The following GALNT14 variants were observed in gnomAD, a reference collection of about 807,000 sequenced individuals.
GALNT14 encodes UDP-GalNAc:polypeptide N-acetylgalactosaminyltransferase 14.
A neutral mutation model predicts 77.5 loss-of-function variants in GALNT14; 60 were observed. The ratio of observed to expected loss-of-function variants is 0.77; its 90% CI spans 0.63 to 0.96. GALNT14 has a LOEUF of 0.96. Among genes scored for constraint, GALNT14 ranks in the 40% least tolerant of loss-of-function variants. The pLI is 0.00. For missense variants in GALNT14, 710 were observed against 731.0 expected, an observed-to-expected ratio of 0.97 and a Z score of 0.33; for synonymous variants, 280 against 281.7, an observed-to-expected ratio of 0.99 and a Z score of 0.06.
rs747772932 is a variant in GALNT14, at chr2:31,137,938, C to T, written c.129+20G>A. ...CCCGCAAGCCACCGCTCAGCGCCAG[C>T]GCGCCGGCAAGCCGCCTACCTTAGG... is the stretch of plus-strand genomic sequence containing the variant. On this transcript the variant is annotated intron_variant, in intron 1 of 14. Coordinates refer to ENST00000349752, the MANE Select transcript of GALNT14 (RefSeq NM_024572.4). 1.9e-6 allele frequency: 3 copies of T among 1,600,346 alleles called. No homozygotes were observed. The highest frequency in any genetic ancestry group is 1.7e-5 in the Admixed American group (1 of 58,120).
intron 8 of GALNT14, among the ~76,000 whole-genome samples, chr2:30,944,549 C>A (rs1666570831): frequency 6.6e-6 from 1 of 152,174 alleles, no homozygotes; most frequent in East Asian, 1.9e-4. Context: ...TTTCCCCTCA[C>A]TAGAGGCCGA....
intron 2 of GALNT14, among the ~76,000 whole-genome samples, chr2:30,967,648 C>G (rs1668091960): frequency 6.6e-6 from 1 of 152,194 alleles, no homozygotes; most frequent in Non-Finnish European, 1.5e-5. Flanking sequence ...TGCCCCACCT[C>G]CTGAATTCAC....
At chr2:30,999,397 A>G (rs1343577244) in intron 1 of GALNT14, among the ~76,000 whole-genome samples, 1 of 152,168 alleles carries the variant, frequency 6.6e-6, no homozygotes, top group Non-Finnish European at 1.5e-5. Context: ...TCTCTTTCAT[A>G]GTCTTCAAAT....
At chr2:31,040,574 T>C (rs915163906) in intron 1 of GALNT14, among the ~76,000 whole-genome samples, 1 of 152,118 alleles carries the variant, frequency 6.6e-6, no homozygotes, top group African/African-American at 2.4e-5. Context: ...GTTCTCAAGC[T>C]CTCTTAACAT....
chr2:31,114,750 GAAGA>G, intron 1 of GALNT14: 1 of 717,058 alleles, frequency 1.4e-6, no homozygotes, highest in South Asian at 1.5e-5. Context: ...TACCTGACTT[GAAGA>G]AAGACCTGAG....
chr2:31,137,576 TTCGCCCGGGCGCTGGC>T (rs1679280935), intron 1 of GALNT14, among the ~76,000 whole-genome samples: 1 of 151,914 alleles, frequency 6.6e-6, no homozygotes, highest in African/African-American at 2.4e-5. Flanking sequence ...GCCGCCACAC[TTCGCCCGGGCGCTGGC>T]CCGACCCGAC....
intron 2 of GALNT14, among the ~76,000 whole-genome samples, chr2:30,975,353 A>G (rs745558566): frequency 7.9e-5 from 12 of 152,248 alleles, no homozygotes; most frequent in Non-Finnish European, 1.5e-4. Context: ...TCTCCTAGAC[A>G]TGCATTATGC....
chr2:30,902,122 T>A, the GALNT14 span, among the ~76,000 whole-genome samples: 2 of 152,118 alleles, frequency 1.3e-5, no homozygotes, highest in Non-Finnish European at 2.9e-5. Flanking sequence ...CTACACACAT[T>A]CTCTGCTGCA....
chr2:30,890,799 C>T, the GALNT14 span, among the ~76,000 whole-genome samples: 1 of 152,152 alleles, frequency 6.6e-6, no homozygotes, highest in African/African-American at 2.4e-5. Flanking sequence ...TTCGCTGGAC[C>T]TGGAGGCATC....
the GALNT14 span, among the ~76,000 whole-genome samples, chr2:30,900,052 A>T: frequency 6.6e-6 from 1 of 152,214 alleles, no homozygotes; most frequent in Non-Finnish European, 1.5e-5. Context: ...AACCAAGTCC[A>T]CTTAACTCTA....
chr2:31,011,701 T>A (rs1295628434), intron 1 of GALNT14, among the ~76,000 whole-genome samples: 2 of 152,142 alleles, frequency 1.3e-5, no homozygotes, highest in East Asian at 3.9e-4. Context: ...ATACTCTCCC[T>A]TCTCCCTCCC....
chr2:31,120,176 A>G (rs950217269), intron 1 of GALNT14, among the ~76,000 whole-genome samples: 2 of 151,862 alleles, frequency 1.3e-5, no homozygotes, highest in Non-Finnish European at 2.9e-5. Flanking sequence ...AAAAAAAAAA[A>G]AAATAATGAG....
At chr2:31,038,819 C>T (rs1672925039) in intron 1 of GALNT14, among the ~76,000 whole-genome samples, 1 of 151,182 alleles carries the variant, frequency 6.6e-6, no homozygotes, top group Admixed American at 6.6e-5. Context: ...AATCTCGGCT[C>T]ACAGCAACCT....
chr2:30,946,895 T>C (rs113143863), intron 6 of GALNT14, among the ~76,000 whole-genome samples: 9 of 152,304 alleles, frequency 5.9e-5, no homozygotes, highest in African/African-American at 7.2e-5. Context: ...AATATGCCAT[T>C]GGCCACCTCC....
At chr2:31,027,068 G>T (rs115589031) in intron 1 of GALNT14, among the ~76,000 whole-genome samples, 2 of 152,142 alleles carry the variant, frequency 1.3e-5, no homozygotes. Flanking sequence ...ACAAACAAAC[G>T]CTGGTCCATC....
intron 2 of GALNT14, among the ~76,000 whole-genome samples, chr2:30,987,814 C>T (rs1669403701): frequency 3.3e-5 from 5 of 151,734 alleles, no homozygotes; most frequent in Non-Finnish European, 7.4e-5. Context: ...GCCCTCCTGG[C>T]AGCACTTGCT....
chr2:31,114,492 G>C (rs1678000323), intron 1 of GALNT14, among the ~76,000 whole-genome samples: 1 of 152,126 alleles, frequency 6.6e-6, no homozygotes, highest in Non-Finnish European at 1.5e-5. Context: ...AAACTAAAAA[G>C]CTCAGCAGAG....
chr2:30,929,617 C>T (rs1460967012), intron 10 of GALNT14, 130 bp from the exon 11 acceptor site: 5 of 659,028 alleles, frequency 7.6e-6, no homozygotes, highest in South Asian at 3.7e-5. Context: ...CATGGTCAAC[C>T]GACTATCATT....
chr2:30,895,111 A>G, the GALNT14 span, among the ~76,000 whole-genome samples: 1 of 152,144 alleles, frequency 6.6e-6, no homozygotes, highest in East Asian at 1.9e-4. Flanking sequence ...AATAATCTTG[A>G]CCTGTTTGAT....
Sources: gnomAD v4.1 joint callset for allele counts (sites outside exome capture counted in the v4.1 genomes callset) on GRCh38, gnomAD v4.1.1 for gene constraint, MANE v1.5 for transcripts, NCBI Gene and HGNC (gene_info 2026-07-23, HGNC 2026-07-21) for gene names.